Variants in SGCZ observed in about 807,000 individuals in gnomAD.
SGCZ encodes the protein zeta-sarcoglycan.
A neutral mutation model predicts 41.3 loss-of-function variants in SGCZ; 40 were observed. The ratio of observed to expected loss-of-function variants is 0.97; its 90% CI spans 0.75 to 1.26. The LOEUF (loss-of-function observed/expected upper bound fraction) is 1.26, where lower values mean the gene tolerates loss of function less well. SGCZ is among the 50% of genes most tolerant of loss of function. The pLI, the probability that SGCZ is intolerant of heterozygous loss-of-function variation, is 0.00. For missense variants in SGCZ, 552 were observed against 369.8 expected, an observed-to-expected ratio of 1.49 and a Z score of -4.04; for synonymous variants, 206 against 137.5, an observed-to-expected ratio of 1.50 and a Z score of -3.49.
chr8:14,406,708 G>C (rs886673462), intron 2 of SGCZ, among the ~76,000 whole-genome samples: 2 of 129,066 alleles, frequency 1.5e-5, no homozygotes, highest in African/African-American at 7.0e-5. Flanking sequence ...GAAAATTACT[G>C]CCCCTTTCTA....
At chr8:14,775,744 G>T (rs10046649) in intron 1 of SGCZ, among the ~76,000 whole-genome samples, 21,748 of 152,038 alleles carry the variant, frequency 0.14, 1,869 homozygotes, top group Middle Eastern at 0.19. Context: ...AGGAAATAAG[G>T]TTAATTTTCA....
chr8:14,662,681 G>T (rs1407349715), intron 1 of SGCZ, among the ~76,000 whole-genome samples: 1 of 152,144 alleles, frequency 6.6e-6, no homozygotes, highest in Non-Finnish European at 1.5e-5. Context: ...GAGGACAAAA[G>T]AAAATTAAGG....
At chr8:14,423,088 C>A (rs1799679050) in intron 2 of SGCZ, among the ~76,000 whole-genome samples, 1 of 151,410 alleles carries the variant, frequency 6.6e-6, no homozygotes, top group South Asian at 2.1e-4. Flanking sequence ...CATGAGTGTT[C>A]ATAGGTAAAC....
chr8:14,823,055 T>TAAAAAAAAAAAAAAAAAAAA (rs34307530), intron 1 of SGCZ, among the ~76,000 whole-genome samples: 2 of 75,488 alleles, frequency 2.6e-5, no homozygotes, highest in East Asian at 4.7e-4. Context: ...CCAATCCTCA[T>TAAAAAAAAAAAAAAAAAAAA]AAAAAAAAAA....
intron 1 of SGCZ, among the ~76,000 whole-genome samples, chr8:15,002,936 A>G (rs981528059): frequency 2.0e-5 from 3 of 152,032 alleles, no homozygotes; most frequent in African/African-American, 7.2e-5. Context: ...TTTCCATTAT[A>G]GTGAATACAT....
intron 1 of SGCZ, among the ~76,000 whole-genome samples, chr8:14,806,068 C>T (rs370023437): frequency 0.07 from 10,601 of 150,778 alleles, 293 homozygotes; most frequent in Middle Eastern, 0.09. Flanking sequence ...ATCTCTGGGA[C>T]GCATTCAAAG....
intron 1 of SGCZ, among the ~76,000 whole-genome samples, chr8:15,090,246 G>A (rs1806107850): frequency 6.6e-6 from 1 of 152,162 alleles, no homozygotes; most frequent in Non-Finnish European, 1.5e-5. Flanking sequence ...AAAGTTTTAA[G>A]ACATGTAGTA....
At position 14,722,249 on chromosome 8, in the gene SGCZ, A is replaced by G. The variant is rs1809910354; in HGVS notation, c.40-167323T>C. 3.3e-5 allele frequency among the ~76,000 whole-genome samples: 5 copies of G among 152,174 alleles called. No homozygotes were observed. In the South Asian group the frequency reaches 1.0e-3, roughly 31 times the overall value. Reference sequence around the variant, plus strand: ...TGTTTATTTAGTTAACCAATATTAAATCTAGCATCTATAACATAATTTGCT... The same window carrying G: ...TGTTTATTTAGTTAACCAATATTAAGTCTAGCATCTATAACATAATTTGCT... On this transcript the variant is annotated intron_variant, in intron 1 of 7. Transcript: ENST00000382080.
intron 1 of SGCZ, among the ~76,000 whole-genome samples, chr8:14,642,413 T>G (rs898832292): frequency 6.6e-6 from 1 of 151,726 alleles, no homozygotes; most frequent in South Asian, 2.1e-4. Flanking sequence ...TCTTTCCTTA[T>G]TGATGATTTG....
intron 1 of SGCZ, among the ~76,000 whole-genome samples, chr8:14,655,851 G>C (rs1585158313): frequency 2.6e-5 from 4 of 152,094 alleles, no homozygotes; most frequent in Middle Eastern, 3.4e-3. Context: ...TTACATAATT[G>C]GAACCACATA....
chr8:14,902,631 C>T (rs1205928137), intron 1 of SGCZ, among the ~76,000 whole-genome samples: 1 of 152,024 alleles, frequency 6.6e-6, no homozygotes, highest in African/African-American at 2.4e-5. Context: ...ACTATGCCAG[C>T]CTCTTCAGAA....
chr8:14,456,715 G>T (rs1563341529), intron 2 of SGCZ, among the ~76,000 whole-genome samples: 1 of 152,140 alleles, frequency 6.6e-6, no homozygotes, highest in Non-Finnish European at 1.5e-5. Context: ...GATATAGTTT[G>T]AATATATGTC....
chr8:14,831,814 G>GTACACATACATGTATATATGTA (rs1221998464), intron 1 of SGCZ, among the ~76,000 whole-genome samples: 1 of 134,854 alleles, frequency 7.4e-6, no homozygotes, highest in Admixed American at 7.2e-5. Context: ...GTATATATGT[G>GTACACATACATGTATATATGTA]TGCACATACA....
intron 1 of SGCZ, among the ~76,000 whole-genome samples, chr8:14,919,100 A>T (rs947457301): frequency 6.6e-6 from 1 of 152,194 alleles, no homozygotes; most frequent in African/African-American, 2.4e-5. Context: ...AAAATTATTG[A>T]TAACACTATA....
intron 2 of SGCZ, among the ~76,000 whole-genome samples, chr8:14,413,093 T>C (rs887598157): frequency 1.3e-5 from 2 of 152,010 alleles, no homozygotes; most frequent in African/African-American, 4.8e-5. Flanking sequence ...TTAAAAAAAT[T>C]GACCAAGTTC....
At chr8:14,912,248 G>C (rs183925158) in intron 1 of SGCZ, among the ~76,000 whole-genome samples, 1 of 151,922 alleles carries the variant, frequency 6.6e-6, no homozygotes, top group African/African-American at 2.4e-5. Flanking sequence ...CCTTGCTCTG[G>C]CTTGACTTAA....
At chr8:14,736,402 A>C (rs1785383377) in intron 1 of SGCZ, among the ~76,000 whole-genome samples, 1 of 152,214 alleles carries the variant, frequency 6.6e-6, no homozygotes. Flanking sequence ...CATTAAATGA[A>C]AGAAAGCATT....
chr8:14,618,697 A>C (rs1196102998), intron 1 of SGCZ, among the ~76,000 whole-genome samples: 1 of 152,204 alleles, frequency 6.6e-6, no homozygotes, highest in East Asian at 1.9e-4. Flanking sequence ...AAGAATAAAT[A>C]AGAGTCTGTT....
At chr8:15,169,271 G>C (rs1563163122) in intron 1 of SGCZ, among the ~76,000 whole-genome samples, 1 of 152,156 alleles carries the variant, frequency 6.6e-6, no homozygotes, top group Non-Finnish European at 1.5e-5. Context: ...AAATGAGACA[G>C]CCAGGGAGGA....
Sources: gnomAD v4.1 joint callset for allele counts (sites outside exome capture counted in the v4.1 genomes callset) on GRCh38, gnomAD v4.1.1 for gene constraint, MANE v1.5 for transcripts, NCBI Gene and HGNC (gene_info 2026-07-23, HGNC 2026-07-21) for gene names.